FURIN: variants seen among roughly 807,000 people sequenced by gnomAD.
The protein encoded by FURIN is furin, paired basic amino acid cleaving enzyme.
In FURIN, 18 loss-of-function variants were observed where a neutral mutation model predicts 89.2. The observed-to-expected ratio is 0.20, with a 90% CI of 0.14 to 0.30. FURIN has a LOEUF of 0.30. FURIN is among the 10% of genes least tolerant of loss of function. FURIN has a pLI of 1.00. For missense variants in FURIN, 879 were observed against 1,100.5 expected (o/e 0.80, Z 2.85); for synonymous variants, 508 against 466.4 (o/e 1.09, Z -1.15).
chr15:90,873,666 T>C lies in FURIN; in HGVS notation c.-159-1916T>C, dbSNP rs2031446481. Among the ~76,000 whole-genome samples the C allele has an allele frequency of 2.0e-5, 3 of 152,054 alleles. No individual in the cohort carries two copies. In the South Asian group the frequency reaches 6.2e-4, roughly 32 times the overall value. The stretch of plus-strand genomic sequence containing the variant: ...GGGCGGTCCTTCCATCCCCTAGGGC[T>C]GGGGCGCCTAGCTGCCCAGCCATTG... On this transcript the variant is annotated intron_variant, in intron 1 of 15. Coordinates refer to ENST00000268171, the MANE Select transcript of FURIN (RefSeq NM_002569.4).
At chr15:90,877,780 G>C (rs72755373) in intron 7 of FURIN, among the ~76,000 whole-genome samples, 165 bp downstream of exon 7, 2,220 of 152,348 alleles carry the variant, frequency 0.015, 28 homozygotes, top group Admixed American at 0.021. Context: ...GAAAGAGCTG[G>C]ACCCCTGTGG....
intron 7 of FURIN, 94 bp from the exon 8 acceptor site, chr15:90,878,038 C>T: frequency 1.6e-6 from 2 of 1,230,054 alleles, no homozygotes; most frequent in South Asian, 1.3e-5. Flanking sequence ...TTACTCATCC[C>T]CTGGGGTGCA....
intron 13 of FURIN, 124 bp from the exon 14 acceptor site, chr15:90,880,567 C>G: frequency 9.4e-7 from 1 of 1,059,982 alleles, no homozygotes; most frequent in Non-Finnish European, 1.4e-6. Flanking sequence ...AGCCAGCAGG[C>G]ACTTCTGGCC....
rs2031952457 is a variant in FURIN, at chr15:90,881,281, G to A, written c.1793-5G>A. 1 of 1,585,758 alleles carries A rather than the reference G, an allele frequency of 6.3e-7. No homozygotes were observed. Among genetic ancestry groups the A allele is most frequent in the African/African-American group, 1.3e-5 (1 of 74,400 alleles). The stretch of plus-strand genomic sequence containing the variant: ...ACACACTTGCCCTCTCTCCCACGCC[G>A]GCAGTGTGCGAGGAAGGCTTCTCCC... On this transcript the variant is annotated splice_polypyrimidine_tract_variant and splice_region_variant and intron_variant, in intron 15 of 15. Coordinates refer to ENST00000268171, the MANE Select transcript of FURIN (RefSeq NM_002569.4). The surrounding 1 kb of genome is among the most constrained non-coding windows in gnomAD (Gnocchi z 4.3).
chr15:90,875,110 C>T (rs1208882404), intron 1 of FURIN, among the ~76,000 whole-genome samples: 1 of 147,486 alleles, frequency 6.8e-6, no homozygotes, highest in Non-Finnish European at 1.5e-5. Context: ...TCTTGGCTCA[C>T]TGCAACCTCC....
chr15:90,881,026 G>T lies in FURIN; in HGVS notation c.1778G>T (p.Ser593Ile). ...ESSGCKTLTSSQACVVCEEGF... is the reference protein window; with the variant it reads ...ESSGCKTLTSIQACVVCEEGF... ...AGTGGCTGCAAGACCCTCACGTCCA[G>T]TCAGGCCTGTGTGGGTCAGTAGTGG... The change falls in exon 15 of 16, where the codon AGT (serine) becomes ATT (isoleucine). Residue 593 changes from serine (S) to isoleucine (I), a missense_variant. Physicochemically the swap from Ser to Ile is moderately radical, Grantham distance 142 (BLOSUM62 -2). Coordinates refer to ENST00000268171, the MANE Select transcript of FURIN (RefSeq NM_002569.4). This position sits in a 1 kb window ranked among gnomAD's most constrained non-coding sequence, Gnocchi z 4.3. The T allele has an allele frequency of 6.2e-7, 1 of 1,612,800 alleles. No homozygotes were observed.
At chr15:90,872,192 G>A (rs1298884108) in intron 1 of FURIN, among the ~76,000 whole-genome samples, 4 of 151,722 alleles carry the variant, frequency 2.6e-5, no homozygotes, top group East Asian at 2.0e-4. Context: ...CCAGGACTCG[G>A]GTGCGGGATC....
Position 90,880,729 on chromosome 15 carries a change from C to G in FURIN, c.1595C>G (p.Ala532Gly). ...TCCGCAGATGGGTTTAATGACTGGG[C>G]CTTCATGACAACTCATTCCTGGGAT... ...DYSADGFNDW[A>G]FMTTHSWDED... The change falls in exon 14 of 16, where the codon GCC (alanine) becomes GGC (glycine). Residue 532 changes from alanine (A) to glycine (G), a missense_variant. By Grantham distance (60) the Ala-to-Gly change is moderately conservative. Transcript: ENST00000268171. 1.2e-6 allele frequency: 2 copies of G among 1,614,000 alleles called. No individual in the cohort carries two copies. The highest frequency in any genetic ancestry group is 1.7e-6 in the Non-Finnish European group (2 of 1,179,918).
At chr15:90,877,422 A>G (rs888192548) in intron 6 of FURIN, 105 bp from the exon 7 acceptor site, 1 of 973,848 alleles carries the variant, frequency 1.0e-6, no homozygotes, top group African/African-American at 1.6e-5. Flanking sequence ...TACTCAGGGG[A>G]TGATGGGTGT....
chr15:90,881,821 A>G lies in FURIN; in HGVS notation c.2328A>G (p.Glu776=). ...AGGAGGAGTGCCCGTCTGACTCAGAAGAGGACGAGGGCCGGGGCGAGAGGA... is the reference window on the plus strand; with the variant it reads ...AGGAGGAGTGCCCGTCTGACTCAGAGGAGGACGAGGGCCGGGGCGAGAGGA... ...AWQEECPSDS[E]EDEGRGERTA... Residue 776 remains glutamate, a synonymous_variant, in exon 16 of 16, where the codon GAA becomes GAG. Transcript: ENST00000268171. The surrounding 1 kb of genome is among the most constrained non-coding windows in gnomAD (Gnocchi z 4.3). 1 of 1,613,486 alleles carries G rather than the reference A, an allele frequency of 6.2e-7. No homozygotes were observed. The highest frequency in any genetic ancestry group is 8.5e-7 in the Non-Finnish European group (1 of 1,179,968).
In FURIN at chr15:90,882,134, T is replaced by TGCCCCG. The variant is rs374349317; in HGVS notation, c.*268_*273dup. ...AAGGAGTGAAACCTTTAGGGCAGCT[T>TGCCCCG]GCCCCGGCCCCGGCCCCAGCCAGAG... On this transcript the variant is annotated 3_prime_UTR_variant, in exon 16 of 16. Transcript: ENST00000268171. The TGCCCCG allele has an allele frequency of 1.5e-3, 682 of 463,920 alleles. 2 individuals carry two copies. The highest frequency in any genetic ancestry group is 0.012 in the African/African-American group (589 of 48,646). The allele number at this position is 463,920 out of a possible 1,614,324, so 28.7% of individuals were successfully genotyped here.
In FURIN at chr15:90,876,435, C is replaced by A; in HGVS notation, c.277-27C>A. 1 of 1,583,876 alleles carries A rather than the reference C, an allele frequency of 6.3e-7. No individual in the cohort carries two copies. Among genetic ancestry groups the A allele is most frequent in the Non-Finnish European group, 8.7e-7 (1 of 1,152,494 alleles). On this transcript the variant is annotated intron_variant, in intron 3 of 15. Transcript: ENST00000268171. This position sits in a 1 kb window ranked among gnomAD's most constrained non-coding sequence, Gnocchi z 5.0. Reference sequence around the variant, plus strand: ...CCCCTCTCGCCTCCTGCTCCACCCACACCATCTCTCCCTCACTCCCCCACA... The same window carrying A: ...CCCCTCTCGCCTCCTGCTCCACCCAAACCATCTCTCCCTCACTCCCCCACA...
Position 90,882,595 on chromosome 15 carries a change from C to T in FURIN, c.*717C>T, listed in dbSNP as rs1331066703. 6.5e-6 allele frequency: 1 copy of T among 152,826 alleles called. No homozygotes were observed. Among genetic ancestry groups the T allele is most frequent in the Non-Finnish European group, 1.5e-5 (1 of 68,178 alleles). 9.5% of individuals were successfully genotyped at this position (152,826 alleles called of 1,614,324 possible). ...GCCTCTCCCGTCAGGGCCCAAGTCC[C>T]TGTTTTCTGAGCCCGGGCTGCCTGG... On this transcript the variant is annotated 3_prime_UTR_variant, in exon 16 of 16. Transcript: ENST00000268171.
In FURIN at chr15:90,881,632, G is replaced by A. The variant is rs375331537; in HGVS notation, c.2139G>A (p.Leu713=). ...GGGCAGGGCTGCTGCCCTCACACCT[G>A]CCTGAGGTGGTGGCCGGCCTCAGCT... The part of the protein sequence containing the change: ...RLRAGLLPSH[L]PEVVAGLSCA... Residue 713 remains leucine (L), a synonymous_variant, in exon 16 of 16, where the codon CTG becomes CTA. Transcript: ENST00000268171. This position sits in a 1 kb window ranked among gnomAD's most constrained non-coding sequence, Gnocchi z 4.3. 8.3e-5 allele frequency: 132 copies of A among 1,591,764 alleles called. No homozygotes were observed. Among genetic ancestry groups the A allele is most frequent in the Non-Finnish European group, 1.1e-4 (127 of 1,166,564 alleles).
At chr15:90,880,359 G>GCTT in intron 13 of FURIN, 86 bp downstream of exon 13, 2 of 1,142,128 alleles carry the variant, frequency 1.8e-6, no homozygotes, top group South Asian at 3.0e-5. Flanking sequence ...ACACGGCCCA[G>GCTT]GGGGCACTGA....
rs2031972971 is a variant in FURIN at position 90,881,525 on chromosome 15, C to G, written c.2032C>G (p.Gln678Glu). The change falls in exon 16 of 16, where the codon CAA becomes GAA. Residue 678 changes from glutamine to glutamate, a missense_variant. Around this residue, in one of 5 missense-constraint regions of FURIN, gnomAD observed 457 missense variants for 490.7 expected, o/e 0.93. Coordinates refer to ENST00000268171, the MANE Select transcript of FURIN (RefSeq NM_002569.4). This position sits in a 1 kb window ranked among gnomAD's most constrained non-coding sequence, Gnocchi z 4.3. ...CCCTGTGGAGCAGACTTGCTCCCGG[C>G]AAAGCCAGAGCAGCCGAGAGTCCCC... ...LDPVEQTCSR[Q>E]SQSSRESPPQ... The G allele has an allele frequency of 6.2e-7, 1 of 1,611,610 alleles. No homozygotes were observed. The highest frequency in any genetic ancestry group is 8.5e-7 in the Non-Finnish European group (1 of 1,179,644).
chr15:90,876,104 C>T lies in FURIN; in HGVS notation c.178-151C>T, dbSNP rs1045671043. 5.2e-6 allele frequency: 4 copies of T among 763,530 alleles called. No individual in the cohort carries two copies. The highest frequency in any genetic ancestry group is 5.1e-5 in the African/African-American group (3 of 58,320). 47.3% of individuals were successfully genotyped at this position (763,530 alleles called of 1,614,324 possible). A position where few individuals can be genotyped will look rare whatever the true frequency, so the allele number is the denominator to read the frequency against. On this transcript the variant is annotated intron_variant, in intron 2 of 15. Transcript: ENST00000268171. This position sits in a 1 kb window ranked among gnomAD's most constrained non-coding sequence, Gnocchi z 5.0. ...CCCAGTGAGAGTGAGTCCTCATGGT[C>T]CCCGCATTTTGCTGGGTCCCGGACA...
chr15:90,875,950 G>A (rs748461126), intron 2 of FURIN, 33 bp downstream of exon 2: 11 of 1,512,620 alleles, frequency 7.3e-6, no homozygotes, highest in East Asian at 2.3e-5. Context: ...CTGCCAGGGG[G>A]TGGGACCAGA....
rs754339043 is a variant in FURIN at position 90,879,779 on chromosome 15, G to GGGCAGGCTGGCCC, written c.1258+16_1258+28dup. 5 of 1,612,958 alleles carry GGGCAGGCTGGCCC rather than the reference G, an allele frequency of 3.1e-6. No homozygotes were observed. The highest frequency in any genetic ancestry group is 3.3e-5 in the Admixed American group (2 of 60,032). On this transcript the variant is annotated splice_donor_region_variant and intron_variant, in intron 11 of 15. Transcript: ENST00000268171. ...CCAATGGTGTGGGCCGGAAAGGTGA[G>GGGCAGGCTGGCCC]GGCAGGCTGGCCCGGCAGGCTGGAT...
Sources: gnomAD v4.1 joint callset for allele counts (sites outside exome capture counted in the v4.1 genomes callset) on GRCh38, gnomAD v4.1.1 for gene constraint, gnomAD v4.1.1 regional missense constraint, Gnocchi (gnomAD v3.1) non-coding constraint, MANE v1.5 for transcripts, NCBI Gene and HGNC (gene_info 2026-07-23, HGNC 2026-07-21) for gene names.